Variants in HMCN1 observed in about 807,000 individuals in gnomAD.
HMCN1 encodes the protein hemicentin 1.
HMCN1 carries 321 observed loss-of-function variants against 625.9 expected under a neutral mutation model. The observed-to-expected ratio is 0.51, with a 90% confidence interval of 0.47 to 0.56. The LOEUF (loss-of-function observed/expected upper bound fraction) is 0.56, where lower values mean the gene tolerates loss of function less well. Ranked by LOEUF, HMCN1 falls within the 20% of genes least tolerant of loss-of-function variation. The probability of loss-of-function intolerance (pLI) is 0.00; values close to 1 mark genes in which losing one functional copy is unlikely to be tolerated. For missense variants in HMCN1, 6,588 were observed against 6,887.3 expected, an observed-to-expected ratio of 0.96 and a Z score of 1.54; for synonymous variants, 2,425 against 2,417.6, an observed-to-expected ratio of 1.00 and a Z score of -0.09.
chr1:185,743,078 A>G (rs1467110760), intron 1 of HMCN1, among the ~76,000 whole-genome samples: 1 of 152,202 alleles, frequency 6.6e-6, no homozygotes, highest in Non-Finnish European at 1.5e-5. Context: ...CAAACAGACA[A>G]TAACCATTCT....
rs1418665786 is a variant in HMCN1 at position 186,122,966 on chromosome 1, G to A, written c.12245G>A (p.Ser4082Asn). Reference protein sequence around the residue: ...KLNVQVPPVISPHLKEYVIAV... With the variant: ...KLNVQVPPVINPHLKEYVIAV... ...TATATTTTAGTTCCTCCAGTCATTA[G>A]CCCTCATCTAAAGGAATATGTTATT... Residue 4082 changes from serine (S) to asparagine (N), a missense_variant, in exon 81 of 107, where the codon AGC becomes AAC. Physicochemically the swap from Ser to Asn is conservative, Grantham distance 46. Around this residue, in one of 3 missense-constraint regions of HMCN1, gnomAD observed 1,954 missense variants for 2,013.1 expected, o/e 0.97. Transcript: ENST00000271588. 6.2e-7 allele frequency: 1 copy of A among 1,613,832 alleles called. No individual in the cohort carries two copies. Among genetic ancestry groups the A allele is most frequent in the South Asian group, 1.1e-5 (1 of 91,068 alleles).
At chr1:185,896,099 C>G (rs1665475241) in intron 4 of HMCN1, among the ~76,000 whole-genome samples, 2 of 151,978 alleles carry the variant, frequency 1.3e-5, no homozygotes, top group Non-Finnish European at 2.9e-5. Flanking sequence ...CCATGCCCGG[C>G]TAACTTTTTT....
chr1:185,978,316 T>C (rs1571652145), intron 16 of HMCN1, among the ~76,000 whole-genome samples: 1 of 152,268 alleles, frequency 6.6e-6, no homozygotes, highest in South Asian at 2.1e-4. Flanking sequence ...ACAATTGTTG[T>C]ATAGAAAGAT....
chr1:185,978,341 A>C (rs1255478640), intron 16 of HMCN1, among the ~76,000 whole-genome samples: 1 of 152,112 alleles, frequency 6.6e-6, no homozygotes, highest in Non-Finnish European at 1.5e-5. Flanking sequence ...TATTACTATT[A>C]GTTAACTTTA....
chr1:186,184,672 T>TTA (rs1653168502), intron 105 of HMCN1, among the ~76,000 whole-genome samples: 1 of 138,040 alleles, frequency 7.2e-6, no homozygotes, highest in African/African-American at 2.7e-5. Context: ...AAATTACTTA[T>TTA]ATTTTCTATA....
At chr1:185,878,499 A>G (rs1190139811) in intron 4 of HMCN1, among the ~76,000 whole-genome samples, 1 of 152,144 alleles carries the variant, frequency 6.6e-6, no homozygotes. Context: ...TGAGATGATC[A>G]CATGGTTTTT....
chr1:185,770,374 C>T (rs934759674), intron 1 of HMCN1, among the ~76,000 whole-genome samples: 1 of 151,778 alleles, frequency 6.6e-6, no homozygotes, highest in South Asian at 2.1e-4. Flanking sequence ...TGGGTAGTTG[C>T]AATATAGAAA....
chr1:185,783,884 G>A (rs1464256139), intron 1 of HMCN1, among the ~76,000 whole-genome samples: 3 of 152,134 alleles, frequency 2.0e-5, no homozygotes, highest in Non-Finnish European at 2.9e-5. Flanking sequence ...TGTTAGCCAC[G>A]GACTTTTAAG....
rs753255114 is a variant in HMCN1, at chr1:185,962,666, G to C, written c.1970+7G>C. ...TTATCGTGGGTTCACACAGGTACTG[G>C]GTTTGTATCATGTTTTTGTTTTTAT... On this transcript the variant is annotated splice_region_variant and intron_variant, in intron 12 of 106. Coordinates refer to ENST00000271588, the MANE Select transcript of HMCN1 (RefSeq NM_031935.3). The C allele has an allele frequency of 4.6e-6, 7 of 1,523,610 alleles. No individual in the cohort carries two copies. In the Admixed American group the frequency reaches 1.0e-4, roughly 22 times the overall value. The allele number at this position is 1,523,610 out of a possible 1,614,324, so 94.4% of individuals were successfully genotyped here. A position where few individuals can be genotyped will look rare whatever the true frequency, so the allele number is the denominator to read the frequency against.
chr1:185,947,968 G>A (rs1322246391), intron 11 of HMCN1, among the ~76,000 whole-genome samples: 1 of 152,180 alleles, frequency 6.6e-6, no homozygotes, highest in Non-Finnish European at 1.5e-5. Flanking sequence ...AAATGCATTT[G>A]AAAACAATGT....
intron 11 of HMCN1, among the ~76,000 whole-genome samples, chr1:185,945,376 G>A (rs1397857067): frequency 6.6e-6 from 1 of 152,154 alleles, no homozygotes; most frequent in Non-Finnish European, 1.5e-5. Context: ...GAAAAGGTTA[G>A]AGCTGGTGTC....
intron 102 of HMCN1, among the ~76,000 whole-genome samples, chr1:186,173,371 T>C (rs1652351198): frequency 6.6e-6 from 1 of 152,126 alleles, no homozygotes; most frequent in South Asian, 2.1e-4. Context: ...TTTCAGCTCT[T>C]ACACTATAGA....
intron 57 of HMCN1, among the ~76,000 whole-genome samples, chr1:186,085,824 A>G (rs575375940): frequency 2.0e-5 from 3 of 152,118 alleles, no homozygotes; most frequent in Non-Finnish European, 4.4e-5. Context: ...CTGCCCCATT[A>G]TCTCCTAAAA....
chr1:185,919,944 G>A (rs1666918583), intron 6 of HMCN1, among the ~76,000 whole-genome samples: 1 of 152,032 alleles, frequency 6.6e-6, no homozygotes, highest in African/African-American at 2.4e-5. Flanking sequence ...TCCATTTATT[G>A]GTGGGTTATA....
intron 1 of HMCN1, among the ~76,000 whole-genome samples, chr1:185,797,083 T>G (rs1282279681): frequency 6.6e-5 from 10 of 152,228 alleles, no homozygotes; most frequent in Non-Finnish European, 1.5e-5. Context: ...AATTTGCATT[T>G]CTCTGATGAT....
chr1:186,080,179 T>C (rs1255111507), intron 55 of HMCN1, among the ~76,000 whole-genome samples: 1 of 152,210 alleles, frequency 6.6e-6, no homozygotes, highest in African/African-American at 2.4e-5. Context: ...AATGTGAAAG[T>C]ACGCATTCAA....
At chr1:185,853,806 G>A (rs1044586152) in intron 2 of HMCN1, among the ~76,000 whole-genome samples, 5 of 152,194 alleles carry the variant, frequency 3.3e-5, no homozygotes, top group Non-Finnish European at 7.4e-5. Flanking sequence ...CAGGTGATTA[G>A]AGTGGGGTGG....
rs532702613 is a variant in HMCN1, at chr1:185,962,274, T to C, written c.1829-244T>C. On this transcript the variant is annotated intron_variant, in intron 11 of 106. Transcript: ENST00000271588. The stretch of plus-strand genomic sequence containing the variant: ...GGAGGCAAGCCAGCAAGGGGCTTCA[T>C]GGTAACCAGTGGAAACACAAAAATA... Among the ~76,000 whole-genome samples the C allele has an allele frequency of 1.5e-3, 231 of 152,300 alleles. 2 individuals carry two copies. The highest frequency in any genetic ancestry group is 2.6e-3 in the Non-Finnish European group (177 of 67,994).
intron 40 of HMCN1, among the ~76,000 whole-genome samples, chr1:186,042,104 G>A (rs552527742): frequency 6.6e-5 from 10 of 152,180 alleles, no homozygotes; most frequent in African/African-American, 2.2e-4. Context: ...GAAAGTAAAA[G>A]TTTTAGTTGG....
Sources: allele counts gnomAD v4.1 joint callset (sites outside exome capture counted in the v4.1 genomes callset), GRCh38; gene constraint gnomAD v4.1.1; regional missense constraint gnomAD v4.1.1; transcripts MANE v1.5; gene names NCBI Gene and HGNC (gene_info 2026-07-23, HGNC 2026-07-21).